The following PCDH15 variants were observed in gnomAD, a reference collection of about 807,000 sequenced individuals.
PCDH15 encodes protocadherin-15.
A neutral mutation model predicts 178.5 loss-of-function variants in PCDH15; 129 were observed. The ratio of observed to expected loss-of-function variants is 0.72; its 90% CI spans 0.63 to 0.84. The LOEUF (loss-of-function observed/expected upper bound fraction) is 0.84, where lower values mean the gene tolerates loss of function less well. Among genes scored for constraint, PCDH15 ranks in the 40% least tolerant of loss-of-function variants. The pLI is 0.00. For missense variants in PCDH15, 2,230 were observed against 2,099.9 expected, an observed-to-expected ratio of 1.06 and a Z score of -1.21; for synonymous variants, 800 against 732.0, an observed-to-expected ratio of 1.09 and a Z score of -1.50.
At chr10:55,094,963 C>T (rs1842414183) in intron 2 of PCDH15, among the ~76,000 whole-genome samples, 1 of 147,308 alleles carries the variant, frequency 6.8e-6, no homozygotes, top group Non-Finnish European at 1.5e-5. Flanking sequence ...ACTGTGTCAC[C>T]CAGGCAAGAG....
chr10:54,415,545 T>C (rs1377764002), intron 3 of PCDH15, among the ~76,000 whole-genome samples: 4 of 152,080 alleles, frequency 2.6e-5, no homozygotes, highest in Admixed American at 6.6e-5. Context: ...GAAAGTAATT[T>C]AGAAAATAGT....
At chr10:54,318,002 A>G (rs1436905455) in intron 7 of PCDH15, among the ~76,000 whole-genome samples, 1 of 152,180 alleles carries the variant, frequency 6.6e-6, no homozygotes, top group East Asian at 1.9e-4. Context: ...CAGCCTAACC[A>G]TAAAGGTCAC....
chr10:55,183,324 C>T (rs563886470), intron 1 of PCDH15, among the ~76,000 whole-genome samples: 2 of 152,004 alleles, frequency 1.3e-5, no homozygotes, highest in South Asian at 4.2e-4. Flanking sequence ...GTAGCAATTT[C>T]CACATCTTGA....
At position 55,328,913 on chromosome 10, in the gene PCDH15, C is replaced by CATATATAT. The variant is rs56104592; in HGVS notation, c.-155-162270_-155-162263dup. On this transcript the variant is annotated intron_variant, in intron 2 of 5. Transcript: ENST00000613346. ...AGATGACTGTATATTTTCACACAAA[C>CATATATAT]ATATATATATATATATATATATATA... Among the ~76,000 whole-genome samples, 986 of 111,160 alleles carry CATATATAT rather than the reference C, an allele frequency of 8.9e-3. 8 individuals are homozygous for CATATATAT. Among genetic ancestry groups the CATATATAT allele is most frequent in the East Asian group, 0.026 (83 of 3,184 alleles). 72.9% of individuals were successfully genotyped at this position (111,160 alleles called of 152,430 possible).
chr10:55,588,871 TG>T (rs1449755836), intron 2 of PCDH15, among the ~76,000 whole-genome samples: 1 of 151,744 alleles, frequency 6.6e-6, no homozygotes. Context: ...CACCCGAGGT[TG>T]GGAGTTTGAG....
intron 2 of PCDH15, among the ~76,000 whole-genome samples, chr10:55,001,514 C>T (rs1839793843): frequency 6.6e-6 from 1 of 152,168 alleles, no homozygotes. Context: ...ATCTCCAAGC[C>T]TCTGGGCAAG....
intron 9 of PCDH15, among the ~76,000 whole-genome samples, chr10:54,228,524 G>A (rs768774681): frequency 5.9e-5 from 9 of 152,138 alleles, no homozygotes; most frequent in Admixed American, 5.2e-4. Context: ...AATGCTAAGA[G>A]CATCTACTCT....
intron 2 of PCDH15, among the ~76,000 whole-genome samples, chr10:54,984,743 C>A (rs1283023104): frequency 6.6e-6 from 1 of 152,114 alleles, no homozygotes; most frequent in African/African-American, 2.4e-5. Context: ...GAGGCCGAGG[C>A]AGAAGGATCC....
chr10:53,860,031 A>C (rs1334469307), intron 27 of PCDH15, among the ~76,000 whole-genome samples: 1 of 152,176 alleles, frequency 6.6e-6, no homozygotes, highest in Non-Finnish European at 1.5e-5. Context: ...GTCCTCTTCA[A>C]ATAGGAATTT....
At chr10:55,198,934 C>A (rs956423435) in intron 1 of PCDH15, among the ~76,000 whole-genome samples, 2 of 152,076 alleles carry the variant, frequency 1.3e-5, no homozygotes, top group African/African-American at 4.8e-5. Flanking sequence ...GTACAGCCTG[C>A]AGAACTGTGA....
rs752928755 is a variant in PCDH15, at chr10:54,449,258, A to T, written c.158-70316T>A. On this transcript the variant is annotated intron_variant, in intron 3 of 37. Coordinates refer to ENST00000644397, the MANE Select transcript of PCDH15 (RefSeq NM_001384140.1). ...TTATTTTGCCCTTTAGTAGGTAATA[A>T]TACCATGTAAGTAATAAATTTGTTT... Among the ~76,000 whole-genome samples, 4 of 151,890 alleles carry T rather than the reference A, an allele frequency of 2.6e-5. No individual in the cohort carries two copies. The South Asian group carries it at 6.2e-4, about 24-fold the overall frequency.
chr10:55,024,746 C>A (rs1840431922), intron 2 of PCDH15, among the ~76,000 whole-genome samples: 1 of 152,166 alleles, frequency 6.6e-6, no homozygotes, highest in African/African-American at 2.4e-5. Context: ...CATGCATTCC[C>A]ATCAGCTCTA....
intron 2 of PCDH15, among the ~76,000 whole-genome samples, chr10:55,072,710 T>C (rs1841783027): frequency 6.6e-6 from 1 of 151,732 alleles, no homozygotes; most frequent in Non-Finnish European, 1.5e-5. Context: ...ACTATTCCAA[T>C]CAATAGAAAA....
At chr10:55,202,828 C>G (rs1265798331) in intron 1 of PCDH15, among the ~76,000 whole-genome samples, 1 of 152,102 alleles carries the variant, frequency 6.6e-6, no homozygotes, top group Non-Finnish European at 1.5e-5. Flanking sequence ...CTTCGCTATT[C>G]TCTCTCCTGC....
At chr10:54,334,689 A>T (rs1202280705) in intron 6 of PCDH15, among the ~76,000 whole-genome samples, 1 of 112,198 alleles carries the variant, frequency 8.9e-6, no homozygotes, top group Non-Finnish European at 1.9e-5. Context: ...AAGAACACAC[A>T]CACACACACA....
rs150538770 is a variant in PCDH15 at position 53,863,477 on chromosome 10, A to G, written c.3717+3165T>C. On this transcript the variant is annotated intron_variant, in intron 27 of 37. Coordinates refer to ENST00000644397, the MANE Select transcript of PCDH15 (RefSeq NM_001384140.1). ...TCCTAACATGGAAGTCATTGGTAGC[A>G]TCGACAAGAATAGTTTGGAAGAGTG... Among the ~76,000 whole-genome samples, 37 of 152,278 alleles carry G rather than the reference A, an allele frequency of 2.4e-4. No homozygotes were observed. The East Asian group carries it at 6.6e-3, about 27-fold the overall frequency.
At chr10:54,991,448 G>T (rs2131917380) in intron 2 of PCDH15, among the ~76,000 whole-genome samples, 1 of 152,046 alleles carries the variant, frequency 6.6e-6, no homozygotes, top group South Asian at 2.1e-4. Context: ...TACTTTAATG[G>T]GTCAATAAAA....
At chr10:53,924,834 G>A (rs1449147227) in intron 25 of PCDH15, among the ~76,000 whole-genome samples, 1 of 152,172 alleles carries the variant, frequency 6.6e-6, no homozygotes, top group Non-Finnish European at 1.5e-5. Flanking sequence ...AGCACTCTGT[G>A]TCTAGCTCAA....
At chr10:54,011,373 G>A (rs1465392849) in intron 20 of PCDH15, among the ~76,000 whole-genome samples, 1 of 152,118 alleles carries the variant, frequency 6.6e-6, no homozygotes, top group Non-Finnish European at 1.5e-5. Context: ...GTATTTTTCT[G>A]GGGTGGAGCA....
Sources: gnomAD v4.1 joint callset for allele counts (sites outside exome capture counted in the v4.1 genomes callset) on GRCh38, gnomAD v4.1.1 for gene constraint, MANE v1.5 for transcripts, NCBI Gene and HGNC (gene_info 2026-07-23, HGNC 2026-07-21) for gene names.